The following JAZF1 variants were observed in gnomAD, a reference collection of about 807,000 sequenced individuals.
JAZF1 encodes the protein juxtaposed with another zinc finger protein 1.
A neutral mutation model predicts 26.4 loss-of-function variants in JAZF1; 8 were observed. The observed-to-expected ratio is 0.30, with a 90% confidence interval of 0.18 to 0.55. The LOEUF is 0.55. Ranked by LOEUF, JAZF1 falls within the 20% of genes least tolerant of loss-of-function variation. The probability of loss-of-function intolerance (pLI) is 0.94; values close to 1 mark genes in which losing one functional copy is unlikely to be tolerated. For missense variants in JAZF1, 199 were observed against 322.0 expected (o/e 0.62, Z 2.92); for synonymous variants, 126 against 122.3 (o/e 1.03, Z -0.20).
chr7:28,063,555 C>T (rs1437178893), intron 1 of JAZF1, among the ~76,000 whole-genome samples: 1 of 152,094 alleles, frequency 6.6e-6, no homozygotes, highest in African/African-American at 2.4e-5. Context: ...AAGTGTATAA[C>T]CCATATAATT....
At chr7:28,079,603 T>A (rs951135512) in intron 1 of JAZF1, among the ~76,000 whole-genome samples, 6 of 152,176 alleles carry the variant, frequency 3.9e-5, no homozygotes, top group African/African-American at 1.4e-4. Flanking sequence ...AATATTAAAA[T>A]AATGATAAGG....
chr7:28,089,986 C>T (rs953261148), intron 1 of JAZF1, among the ~76,000 whole-genome samples: 1 of 152,172 alleles, frequency 6.6e-6, no homozygotes, highest in African/African-American at 2.4e-5. Flanking sequence ...CATTTAGATT[C>T]AAAAGTCCAT....
At chr7:28,068,345 T>A (rs1481497787) in intron 1 of JAZF1, among the ~76,000 whole-genome samples, 1 of 151,910 alleles carries the variant, frequency 6.6e-6, no homozygotes, top group Admixed American at 6.6e-5. Flanking sequence ...GTAATGGGCA[T>A]GCAATTGGTC....
At chr7:28,161,692 G>T (rs546813727) in intron 1 of JAZF1, among the ~76,000 whole-genome samples, 1 of 152,268 alleles carries the variant, frequency 6.6e-6, no homozygotes, top group Admixed American at 6.5e-5. Context: ...GCCTCTGCTT[G>T]AATATTTCCA....
chr7:27,877,778 C>T (rs949947946), intron 3 of JAZF1, among the ~76,000 whole-genome samples: 2 of 152,188 alleles, frequency 1.3e-5, no homozygotes, highest in African/African-American at 2.4e-5. Flanking sequence ...CTTACACAGA[C>T]GTGGTTTTTT....
At position 28,162,241 on chromosome 7, in the gene JAZF1, T is replaced by G. The variant is rs139187514; in HGVS notation, c.115+18222A>C. On this transcript the variant is annotated intron_variant, in intron 1 of 4. Coordinates refer to ENST00000283928, the MANE Select transcript of JAZF1 (RefSeq NM_175061.4). ...CTGAGGATACATGCCCCAGTGCCTTTGCAGTTCCATGTAGCCATGCAATTA... is the reference window on the plus strand; with the variant it reads ...CTGAGGATACATGCCCCAGTGCCTTGGCAGTTCCATGTAGCCATGCAATTA... 5.4e-3 allele frequency among the ~76,000 whole-genome samples: 829 copies of G among 152,356 alleles called. 5 individuals carry two copies. The highest frequency in any genetic ancestry group is 6.4e-3 in the Non-Finnish European group (434 of 68,034).
intron 1 of JAZF1, among the ~76,000 whole-genome samples, chr7:28,046,016 T>C (rs895646130): frequency 6.6e-6 from 1 of 152,204 alleles, no homozygotes; most frequent in Non-Finnish European, 1.5e-5. Flanking sequence ...GTATCCTTAA[T>C]CTCCCACTAC....
At chr7:28,031,400 A>G (rs1783186623) in intron 1 of JAZF1, among the ~76,000 whole-genome samples, 1 of 152,106 alleles carries the variant, frequency 6.6e-6, no homozygotes, top group South Asian at 2.1e-4. Context: ...GATGGGGAGA[A>G]GAGAAAGTGT....
At chr7:28,073,340 G>T (rs1784005631) in intron 1 of JAZF1, among the ~76,000 whole-genome samples, 1 of 152,090 alleles carries the variant, frequency 6.6e-6, no homozygotes, top group Non-Finnish European at 1.5e-5. Flanking sequence ...TGAGAGGGAA[G>T]GTCAGTCCTC....
At chr7:27,963,566 C>CT (rs1481315253) in intron 2 of JAZF1, among the ~76,000 whole-genome samples, 3 of 106,874 alleles carry the variant, frequency 2.8e-5, no homozygotes, top group East Asian at 2.8e-4. Context: ...ATTCCCCCCC[C>CT]CCCTTTTTTT....
intron 1 of JAZF1, among the ~76,000 whole-genome samples, chr7:28,073,474 C>T (rs557249737): frequency 2.6e-4 from 40 of 152,194 alleles, no homozygotes; most frequent in Middle Eastern, 3.4e-3. Flanking sequence ...TCTCTGGACC[C>T]GAATCTTTGC....
chr7:28,130,759 C>G (rs908708955), intron 1 of JAZF1, among the ~76,000 whole-genome samples: 1 of 152,216 alleles, frequency 6.6e-6, no homozygotes, highest in Non-Finnish European at 1.5e-5. Context: ...GTATTTCTCT[C>G]TCTCTCGAAA....
intron 1 of JAZF1, among the ~76,000 whole-genome samples, chr7:27,992,805 G>C (rs1034804419): frequency 6.6e-6 from 1 of 152,216 alleles, no homozygotes; most frequent in Non-Finnish European, 1.5e-5. Context: ...ATTTCACACA[G>C]ATTTCTTTTC....
chr7:27,954,611 G>A (rs927064869), intron 2 of JAZF1, among the ~76,000 whole-genome samples: 1 of 152,184 alleles, frequency 6.6e-6, no homozygotes, highest in Non-Finnish European at 1.5e-5. Context: ...GGTATCAACT[G>A]GTAATGTGTA....
At chr7:27,937,808 C>T (rs1011880444) in intron 2 of JAZF1, among the ~76,000 whole-genome samples, 2 of 152,134 alleles carry the variant, frequency 1.3e-5, no homozygotes, top group African/African-American at 4.8e-5. Flanking sequence ...AGCAACATAC[C>T]TTTCCATAAA....
chr7:28,085,227 G>T (rs1466231005), intron 1 of JAZF1, among the ~76,000 whole-genome samples: 1 of 152,148 alleles, frequency 6.6e-6, no homozygotes, highest in Non-Finnish European at 1.5e-5. Flanking sequence ...TGAAACATAT[G>T]ATTTTTATGT....
At chr7:27,875,812 T>C (rs766299338) in intron 3 of JAZF1, among the ~76,000 whole-genome samples, 2 of 152,246 alleles carry the variant, frequency 1.3e-5, no homozygotes, top group Non-Finnish European at 2.9e-5. Context: ...AGATGTTTGT[T>C]CAGTATATTA....
chr7:27,882,846 G>A (rs1783795684), intron 3 of JAZF1, among the ~76,000 whole-genome samples: 1 of 152,138 alleles, frequency 6.6e-6, no homozygotes, highest in African/African-American at 2.4e-5. Context: ...ACGGGGGTGT[G>A]GAGAAAAGGT....
chr7:27,915,461 C>T (rs918141251), intron 2 of JAZF1, among the ~76,000 whole-genome samples: 3 of 152,114 alleles, frequency 2.0e-5, no homozygotes, highest in African/African-American at 7.2e-5. Context: ...AATCAAGGTG[C>T]ATAATTTGAT....
Sources: allele counts gnomAD v4.1 joint callset (sites outside exome capture counted in the v4.1 genomes callset), GRCh38; gene constraint gnomAD v4.1.1; transcripts MANE v1.5; gene names NCBI Gene and HGNC (gene_info 2026-07-23, HGNC 2026-07-21).